The following DNAJC15 variants were observed in gnomAD, a reference collection of about 807,000 sequenced individuals.
The protein encoded by DNAJC15 is DnaJ heat shock protein family (Hsp40) member C15.
Under a neutral mutation model 22.4 loss-of-function variants are expected in DNAJC15, and 27 were observed. The observed-to-expected ratio is 1.20, with a 90% CI of 0.89 to 1.66. DNAJC15 has a LOEUF of 1.66. Among genes scored for constraint, DNAJC15 ranks in the 40% most tolerant of loss-of-function variants. The probability of loss-of-function intolerance (pLI) is 0.00; values close to 1 mark genes in which losing one functional copy is unlikely to be tolerated. For synonymous variants in DNAJC15, 79 were observed against 63.2 expected, an observed-to-expected ratio of 1.25 and a Z score of -1.19; for missense variants, 208 against 187.1, an observed-to-expected ratio of 1.11 and a Z score of -0.65.
At chr13:43,100,671 T>A (rs1007989301) in intron 5 of DNAJC15, among the ~76,000 whole-genome samples, 3 of 152,240 alleles carry the variant, frequency 2.0e-5, no homozygotes, top group African/African-American at 7.2e-5. Context: ...TATTAAGGTT[T>A]GTTTTGTGGC....
chr13:43,093,569 C>A lies in DNAJC15; in HGVS notation c.382+7731C>A, dbSNP rs1002517334. Reference sequence around the variant, plus strand: ...GGGACAATAGGTGTGTGCCAACATACCCAGCTAATTTTTTATTTTTATCTT... The same window carrying A: ...GGGACAATAGGTGTGTGCCAACATAACCAGCTAATTTTTTATTTTTATCTT... On this transcript the variant is annotated intron_variant, in intron 5 of 5. Transcript: ENST00000379221. Among the ~76,000 whole-genome samples, 7 of 152,094 alleles carry A rather than the reference C, an allele frequency of 4.6e-5. No homozygotes were observed. The East Asian group carries it at 1.3e-3, about 29-fold the overall frequency.
chr13:43,077,990 G>C (rs1264007441), intron 3 of DNAJC15, among the ~76,000 whole-genome samples: 1 of 152,102 alleles, frequency 6.6e-6, no homozygotes, highest in Non-Finnish European at 1.5e-5. Flanking sequence ...AGATTAAATC[G>C]AAGTTAGATT....
Position 43,109,137 on chromosome 13 carries a change from T to C in DNAJC15, c.*1889T>C, listed in dbSNP as rs1257750962. The C allele has an allele frequency of 6.6e-5, 10 of 152,210 alleles. No homozygotes were observed. The highest frequency in any genetic ancestry group is 2.2e-4 in the African/African-American group (9 of 41,446). 9.4% of individuals were successfully genotyped at this position (152,210 alleles called of 1,614,324 possible). A position where few individuals can be genotyped will look rare whatever the true frequency, so the allele number is the denominator to read the frequency against. On this transcript the variant is annotated 3_prime_UTR_variant, in exon 6 of 6. Coordinates refer to ENST00000379221, the MANE Select transcript of DNAJC15 (RefSeq NM_013238.3). The stretch of plus-strand genomic sequence containing the variant: ...TGTATCTGTCTTGTTTGGTGTTACA[T>C]TGGCACCCAATAAATATTTGTTGAG...
At chr13:43,093,463 T>G (rs940463488) in intron 5 of DNAJC15, among the ~76,000 whole-genome samples, 1 of 152,188 alleles carries the variant, frequency 6.6e-6, no homozygotes, top group African/African-American at 2.4e-5. Flanking sequence ...CAGGCTAGAG[T>G]GCAGTGGTGT....
Position 43,064,060 on chromosome 13 carries a change from G to A in DNAJC15, c.109-1626G>A, listed in dbSNP as rs9594876. ...CAAAGATAGTTTGCCTCTCTGGTAG[G>A]CAGCTCTAGGCTTTCGCTCCTCTGC... On this transcript the variant is annotated intron_variant, in intron 1 of 5. Transcript: ENST00000379221. Among the ~76,000 whole-genome samples the A allele has an allele frequency of 6.1e-3, 925 of 152,266 alleles. 3 individuals carry two copies. Among genetic ancestry groups the A allele is most frequent in the African/African-American group, 0.021 (865 of 41,574 alleles).
At chr13:43,081,050 A>G (rs891855069) in intron 4 of DNAJC15, among the ~76,000 whole-genome samples, 5 of 152,242 alleles carry the variant, frequency 3.3e-5, no homozygotes, top group African/African-American at 1.2e-4. Flanking sequence ...TATGTGTTCT[A>G]GATGATACTA....
At position 43,069,019 on chromosome 13, in the gene DNAJC15, C is replaced by A. The variant is rs762570627; in HGVS notation, c.234+16C>A. The A allele has an allele frequency of 6.2e-7, 1 of 1,606,858 alleles. No individual in the cohort carries two copies. The highest frequency in any genetic ancestry group is 8.5e-7 in the Non-Finnish European group (1 of 1,176,406). On this transcript the variant is annotated intron_variant, in intron 3 of 5. Transcript: ENST00000379221. ...TTCAACTCCTGTAAGTTAAACGTGG[C>A]TTTAGTTAGAAGACTCATTTTGATT... is the stretch of plus-strand genomic sequence containing the variant.
chr13:43,079,810 A>G (rs1043365615), intron 4 of DNAJC15, among the ~76,000 whole-genome samples: 1 of 152,196 alleles, frequency 6.6e-6, no homozygotes, highest in African/African-American at 2.4e-5. Context: ...CTGTATTTTT[A>G]CATTCTCTTA....
chr13:43,035,888 A>G (rs572052833), intron 1 of DNAJC15, among the ~76,000 whole-genome samples: 1 of 151,588 alleles, frequency 6.6e-6, no homozygotes, highest in African/African-American at 2.4e-5. Flanking sequence ...GCCTGGCTAA[A>G]TTTTTATTTT....
At chr13:43,081,490 G>A (rs2040661214) in intron 4 of DNAJC15, among the ~76,000 whole-genome samples, 1 of 151,614 alleles carries the variant, frequency 6.6e-6, no homozygotes, top group Non-Finnish European at 1.5e-5. Context: ...CCAGGCTGGA[G>A]TACAGTGGCA....
At chr13:43,063,037 C>T (rs2153440740) in intron 1 of DNAJC15, among the ~76,000 whole-genome samples, 1 of 148,602 alleles carries the variant, frequency 6.7e-6, no homozygotes, top group Non-Finnish European at 1.5e-5. Flanking sequence ...TTGAGAGAGT[C>T]TCTCATCTGT....
At chr13:43,039,288 T>A (rs1593310939) in intron 1 of DNAJC15, among the ~76,000 whole-genome samples, 1 of 152,240 alleles carries the variant, frequency 6.6e-6, no homozygotes, top group African/African-American at 2.4e-5. Flanking sequence ...TGACATTGAC[T>A]TAATTTATTA....
chr13:43,066,391 A>G (rs2040584162), intron 2 of DNAJC15, among the ~76,000 whole-genome samples: 2 of 152,012 alleles, frequency 1.3e-5, no homozygotes, highest in East Asian at 1.9e-4. Context: ...TTCAAAGCCA[A>G]CAGCTTAGCA....
chr13:43,085,826 C>T lies in DNAJC15; in HGVS notation c.370C>T (p.His124Tyr), dbSNP rs776382656. 1.2e-6 allele frequency: 2 copies of T among 1,613,306 alleles called. No individual in the cohort carries two copies. The highest frequency in any genetic ancestry group is 1.7e-6 in the Non-Finnish European group (2 of 1,179,696). ...TCATAGGAGAGTCATGATTTTGAATCACCCAGATAAAGGTAGGTAGAATTC... is the reference window on the plus strand; with the variant it reads ...TCATAGGAGAGTCATGATTTTGAATTACCCAGATAAAGGTAGGTAGAATTC... ...TAHRRVMILNHPDKGGSPYVA... is the reference protein window; with the variant it reads ...TAHRRVMILNYPDKGGSPYVA... Residue 124 changes from histidine to tyrosine, a missense_variant, in exon 5 of 6, where the codon CAC (histidine) becomes TAC (tyrosine). His to Tyr is a moderately conservative substitution (Grantham distance 83). Transcript: ENST00000379221.
At chr13:43,085,369 G>T (rs2040682552) in intron 4 of DNAJC15, among the ~76,000 whole-genome samples, 1 of 149,466 alleles carries the variant, frequency 6.7e-6, no homozygotes. Flanking sequence ...TTCTTGGGGG[G>T]TGGGGGGGGA....
chr13:43,050,575 C>A (rs2040498349), intron 1 of DNAJC15, among the ~76,000 whole-genome samples: 1 of 151,936 alleles, frequency 6.6e-6, no homozygotes, highest in Non-Finnish European at 1.5e-5. Flanking sequence ...ATTCTTACTT[C>A]AGATTACAAA....
intron 1 of DNAJC15, among the ~76,000 whole-genome samples, chr13:43,065,329 T>C (rs2040578466): frequency 6.6e-6 from 1 of 152,176 alleles, no homozygotes; most frequent in African/African-American, 2.4e-5. Flanking sequence ...ATGTAAAATA[T>C]GGAGGAGGAA....
intron 1 of DNAJC15, among the ~76,000 whole-genome samples, chr13:43,062,500 GA>G (rs568509309): frequency 3.7e-4 from 56 of 152,260 alleles, no homozygotes; most frequent in African/African-American, 1.2e-3. Flanking sequence ...ATAATCAACA[GA>G]GTGCTCAATA....
Position 43,113,413 on chromosome 13 carries a change from A to AT in DNAJC15, c.*6167dup, listed in dbSNP as rs1484254808. On this transcript the variant is annotated 3_prime_UTR_variant, in exon 6 of 6. Coordinates refer to ENST00000379221, the MANE Select transcript of DNAJC15 (RefSeq NM_013238.3). ...CATACTTTTTTTGCCAAATTCCAAA[A>AT]TTGTGTATAGTTCTATAGTTGTCTG... 2.0e-5 allele frequency: 3 copies of AT among 151,916 alleles called. No homozygotes were observed. Among genetic ancestry groups the AT allele is most frequent in the Non-Finnish European group, 2.9e-5 (2 of 68,030 alleles). The allele number at this position is 151,916 out of a possible 1,614,324, so 9.4% of individuals were successfully genotyped here. A position where few individuals can be genotyped will look rare whatever the true frequency, so the allele number is the denominator to read the frequency against.
Sources: allele counts gnomAD v4.1 joint callset (sites outside exome capture counted in the v4.1 genomes callset), GRCh38; gene constraint gnomAD v4.1.1; transcripts MANE v1.5; gene names NCBI Gene and HGNC (gene_info 2026-07-23, HGNC 2026-07-21).